Variants in CPAMD8 observed in about 807,000 individuals in gnomAD.
The protein encoded by CPAMD8 is C3 and PZP like alpha-2-macroglobulin domain containing 8, also known as C3 and PZP-like alpha-2-macroglobulin domain-containing protein 8.
CPAMD8 carries 146 observed loss-of-function variants against 224.7 expected under a neutral mutation model. The observed-to-expected ratio is 0.65, with a 90% CI of 0.57 to 0.75. The LOEUF is 0.75. CPAMD8 is among the 30% of genes least tolerant of loss of function. CPAMD8 has a pLI of 0.00. For missense variants in CPAMD8, 2,301 were observed against 2,537.5 expected (o/e 0.91, Z 2.00); for synonymous variants, 966 against 1,044.6 (o/e 0.92, Z 1.45).
At chr19:16,903,935 C>T in intron 32 of CPAMD8, 78 bp from the exon 33 acceptor site, 1 of 1,452,004 alleles carries the variant, frequency 6.9e-7, no homozygotes, top group Non-Finnish European at 9.5e-7. Flanking sequence ...TCTTGGAAGC[C>T]TAGCCTAAAA....
At chr19:16,970,677 A>G (rs924984934) in intron 18 of CPAMD8, among the ~76,000 whole-genome samples, 1 of 152,076 alleles carries the variant, frequency 6.6e-6, no homozygotes, top group Non-Finnish European at 1.5e-5. Flanking sequence ...GGCACCATCA[A>G]TGAAGCAGGA....
intron 29 of CPAMD8, 72 bp downstream of exon 29, chr19:16,914,351 AT>A (rs2052849711): frequency 1.6e-6 from 2 of 1,271,408 alleles, no homozygotes; most frequent in East Asian, 2.3e-5. Context: ...CACCCCTGGC[AT>A]AAAGGAGGGA....
At chr19:16,959,639 C>T (rs946642011) in intron 18 of CPAMD8, among the ~76,000 whole-genome samples, 3 of 151,756 alleles carry the variant, frequency 2.0e-5, no homozygotes, top group African/African-American at 7.3e-5. Flanking sequence ...CTCCCAGGTT[C>T]GAGCAATTCT....
intron 19 of CPAMD8, among the ~76,000 whole-genome samples, chr19:16,954,952 C>G (rs1482464104): frequency 6.6e-6 from 1 of 152,218 alleles, no homozygotes; most frequent in African/African-American, 2.4e-5. Flanking sequence ...CACGGTGAAA[C>G]CCCGTCTCTA....
Position 16,903,728 on chromosome 19 carries a change from T to C in CPAMD8, c.4381A>G (p.Asn1461Asp). Residue 1461 changes from asparagine (N) to aspartate (D), a missense_variant, in exon 33 of 42, where the codon AAC (asparagine) becomes GAC (aspartate). By Grantham distance (23) the Asn-to-Asp change is conservative. Transcript: ENST00000443236. ...YQETFELHRTNQKVLQTAAIP... is the reference protein window; with the variant it reads ...YQETFELHRTDQKVLQTAAIP... ...GCTGCTGTCTGCAGAACCTTCTGGT[T>C]GGTCCTGTGCAGCTCGAAGGTTTCC... The C allele has an allele frequency of 6.2e-7, 1 of 1,614,198 alleles. No homozygotes were observed. The highest frequency in any genetic ancestry group is 8.5e-7 in the Non-Finnish European group (1 of 1,180,020).
intron 27 of CPAMD8, among the ~76,000 whole-genome samples, chr19:16,916,500 C>G (rs1388032358): frequency 6.6e-6 from 1 of 152,136 alleles, no homozygotes; most frequent in Non-Finnish European, 1.5e-5. Flanking sequence ...GATCCTCCCA[C>G]CTTGGCTTCC....
chr19:16,994,868 TTTGGCCTCAAGTGGTCCTCTTGCC>T (rs1480572607), intron 11 of CPAMD8, among the ~76,000 whole-genome samples: 6 of 152,062 alleles, frequency 3.9e-5, no homozygotes, highest in South Asian at 4.1e-4. Flanking sequence ...GTCTCACACT[TTTGGCCTCAAGTGGTCCTCTTGCC>T]TTGGCCTCAA....
rs752732289 is a variant in CPAMD8 at position 16,997,232 on chromosome 19, A to G, written c.974T>C (p.Val325Ala). 6.4e-7 allele frequency: 1 copy of G among 1,559,678 alleles called. No individual in the cohort carries two copies. The highest frequency in any genetic ancestry group is 1.4e-5 in the African/African-American group (1 of 73,794). The change falls in exon 11 of 42, where the codon GTG becomes GCG. Residue 325 changes from valine (V) to alanine (A), a missense_variant. Around this residue, in one of 4 missense-constraint regions of CPAMD8, gnomAD observed 301 missense variants for 406.6 expected, o/e 0.74. Coordinates refer to ENST00000443236, the MANE Select transcript of CPAMD8 (RefSeq NM_015692.5). ...RVSIWAMVTS[V>A]DGSQQVAFDD... is the part of the protein sequence containing the mutation. ...GAACGCGACCTGCTGGCTCCCGTCC[A>G]CACTGGTCACCATGGCCCAGATGCT...
chr19:16,987,488 A>AT lies in CPAMD8; in HGVS notation c.1395+2154dup, dbSNP rs570656142. 6.6e-5 allele frequency among the ~76,000 whole-genome samples: 10 copies of AT among 151,324 alleles called. No homozygotes were observed. The East Asian group carries it at 1.5e-3, about 23-fold the overall frequency. On this transcript the variant is annotated intron_variant, in intron 13 of 41. Transcript: ENST00000443236. ...GTCAAGATATTTTCTCTTCTTTATG[A>AT]TTTTTTTTACCTGCGCCTGCCAGCG...
intron 23 of CPAMD8, 84 bp downstream of exon 23, chr19:16,938,311 C>T (rs1599737942): frequency 1.5e-6 from 1 of 678,306 alleles, no homozygotes; most frequent in Non-Finnish European, 2.5e-6. Context: ...CGGGACAGCC[C>T]CCACAGTGTG....
intron 8 of CPAMD8, among the ~76,000 whole-genome samples, chr19:17,002,769 T>A (rs1367298806): frequency 6.6e-6 from 1 of 152,146 alleles, no homozygotes; most frequent in Non-Finnish European, 1.5e-5. Context: ...GACTCAGCCC[T>A]GGGAGTATCA....
chr19:16,896,619 C>T lies in CPAMD8; in HGVS notation c.5112G>A (p.Gly1704=). The part of the protein sequence containing the change: ...ESGPAVAPEE[G]AAIARCGCDH... ...CGCAGCCGCATCGCGCGATCGCCGC[C>T]CCCTCCTCAGGGGCCACGGCAGGGC... Residue 1704 remains glycine, a synonymous_variant, in exon 40 of 42, where the codon GGG becomes GGA. Coordinates refer to ENST00000443236, the MANE Select transcript of CPAMD8 (RefSeq NM_015692.5). 2.0e-6 allele frequency: 3 copies of T among 1,504,918 alleles called. No individual in the cohort carries two copies. The highest frequency in any genetic ancestry group is 2.6e-6 in the Non-Finnish European group (3 of 1,132,598). The allele number at this position is 1,504,918 out of a possible 1,614,324, so 93.2% of individuals were successfully genotyped here.
chr19:17,004,164 C>T (rs567063435), intron 8 of CPAMD8, 109 bp downstream of exon 8: 29 of 681,100 alleles, frequency 4.3e-5, no homozygotes, highest in Admixed American at 1.9e-4. Context: ...CCTGGGCCTC[C>T]GAAAGTGCTG....
chr19:16,931,580 C>T (rs953118879), intron 23 of CPAMD8, among the ~76,000 whole-genome samples: 3 of 152,174 alleles, frequency 2.0e-5, no homozygotes, highest in African/African-American at 7.2e-5. Context: ...TGTTCCTGGT[C>T]CACCGCTGCC....
rs1328071231 is a variant in CPAMD8, at chr19:17,020,342, T to C, written c.256A>G (p.Ile86Val). 1.9e-5 allele frequency: 30 copies of C among 1,587,570 alleles called. No homozygotes were observed. Among genetic ancestry groups the C allele is most frequent in the East Asian group, 6.7e-5 (3 of 44,732 alleles). The change falls in exon 3 of 42, where the codon ATC (isoleucine) becomes GTC (valine). Residue 86 changes from isoleucine to valine, a missense_variant. Coordinates refer to ENST00000443236, the MANE Select transcript of CPAMD8 (RefSeq NM_015692.5). ...SQGAILDKGT[I>V]KLKVPTGLRG... is the part of the protein sequence containing the mutation. The stretch of plus-strand genomic sequence containing the variant: ...AATCAACGGCTTACCTTGAGTTTGA[T>C]TGTCCCTTTATCTAAAAATGAAAAT...
At chr19:16,901,694 CT>C (rs760694158) in intron 35 of CPAMD8, among the ~76,000 whole-genome samples, 4 of 152,224 alleles carry the variant, frequency 2.6e-5, no homozygotes, top group East Asian at 1.9e-4. Context: ...AATCAACCCC[CT>C]AGCTCCGGCC....
At chr19:17,007,905 C>T (rs745812535) in intron 7 of CPAMD8, among the ~76,000 whole-genome samples, 5 of 152,228 alleles carry the variant, frequency 3.3e-5, no homozygotes, top group Non-Finnish European at 5.9e-5. Flanking sequence ...TGGTGGCTCA[C>T]GCCTGTAATC....
At chr19:16,910,978 A>G (rs906781135) in intron 29 of CPAMD8, among the ~76,000 whole-genome samples, 1 of 152,200 alleles carries the variant, frequency 6.6e-6, no homozygotes, top group Admixed American at 6.5e-5. Context: ...TTGATTTTGC[A>G]CTTCTGGTCT....
In CPAMD8 at chr19:17,022,015, A is replaced by C. The variant is rs2056970251; in HGVS notation, c.244+15T>G. 6.3e-7 allele frequency: 1 copy of C among 1,582,574 alleles called. No individual in the cohort carries two copies. Among genetic ancestry groups the C allele is most frequent in the Non-Finnish European group, 8.6e-7 (1 of 1,164,174 alleles). On this transcript the variant is annotated intron_variant, in intron 2 of 41. Coordinates refer to ENST00000443236, the MANE Select transcript of CPAMD8 (RefSeq NM_015692.5). ...AAAGAAGGGGAAGTCCTGGTCTGGCACCCAAGGGACCTACCCAGGATGGCT... is the reference window on the plus strand; with the variant it reads ...AAAGAAGGGGAAGTCCTGGTCTGGCCCCCAAGGGACCTACCCAGGATGGCT...
Sources: allele counts gnomAD v4.1 joint callset (sites outside exome capture counted in the v4.1 genomes callset), GRCh38; gene constraint gnomAD v4.1.1; regional missense constraint gnomAD v4.1.1; transcripts MANE v1.5; gene names NCBI Gene and HGNC (gene_info 2026-07-23, HGNC 2026-07-21).